ZNF705G: variants seen among roughly 807,000 people sequenced by gnomAD.
ZNF705G encodes putative zinc finger protein 705G.
ZNF705G carries 23 observed loss-of-function variants against 19.6 expected under a neutral mutation model. The ratio of observed to expected loss-of-function variants is 1.17; its 90% confidence interval spans 0.84 to 1.66. ZNF705G has a LOEUF of 1.66. ZNF705G is among the 40% of genes most tolerant of loss of function. The pLI, the probability that ZNF705G is intolerant of heterozygous loss-of-function variation, is 0.00. For missense variants in ZNF705G, 457 were observed against 354.4 expected, an observed-to-expected ratio of 1.29 and a Z score of -2.32; for synonymous variants, 146 against 117.7, an observed-to-expected ratio of 1.24 and a Z score of -1.56.
intron 1 of ZNF705G, among the ~76,000 whole-genome samples, chr8:7,383,217 G>C (rs1297161122): frequency 6.7e-6 from 1 of 148,274 alleles, no homozygotes; most frequent in South Asian, 2.1e-4. Flanking sequence ...ATTACAACTA[G>C]GTGACACATT....
At chr8:7,383,125 A>ATTT (rs5889203) in intron 1 of ZNF705G, among the ~76,000 whole-genome samples, 3,797 of 125,402 alleles carry the variant, frequency 0.03, 25 homozygotes, top group African/African-American at 0.041. Context: ...TCAATGTTTG[A>ATTT]TTTTTTTTTT....
intron 2 of ZNF705G, among the ~76,000 whole-genome samples, chr8:7,371,399 T>G (rs1390161294): frequency 7.0e-6 from 1 of 142,138 alleles, no homozygotes; most frequent in Non-Finnish European, 1.5e-5. Context: ...TACAGCATAG[T>G]GCTTACAGCT....
chr8:7,366,823 T>A (rs1444536473), intron 2 of ZNF705G, among the ~76,000 whole-genome samples: 3 of 149,582 alleles, frequency 2.0e-5, no homozygotes, highest in South Asian at 2.1e-4. Context: ...GTAGCCAACA[T>A]GCCCAACACG....
At chr8:7,382,545 A>AT (rs1372481146) in intron 1 of ZNF705G, among the ~76,000 whole-genome samples, 9 of 146,394 alleles carry the variant, frequency 6.1e-5, no homozygotes, top group African/African-American at 1.4e-4. Context: ...CCCTTTAAAC[A>AT]TTTTTTATTT....
intron 2 of ZNF705G, among the ~76,000 whole-genome samples, chr8:7,380,376 T>C (rs1807434326): frequency 6.8e-6 from 1 of 147,544 alleles, no homozygotes; most frequent in African/African-American, 2.7e-5. Context: ...GTGCATGCCT[T>C]CTTGTGAACT....
chr8:7,359,167 C>A (rs1189661500), intron 6 of ZNF705G, among the ~76,000 whole-genome samples: 2 of 149,526 alleles, frequency 1.3e-5, no homozygotes, highest in South Asian at 2.1e-4. Context: ...AAATTTGGAG[C>A]CTTCAAAATC....
intron 2 of ZNF705G, among the ~76,000 whole-genome samples, chr8:7,370,194 C>A (rs1158937928): frequency 2.0e-5 from 3 of 147,788 alleles, no homozygotes. Flanking sequence ...TGACGTGAAC[C>A]TAGGAGGCGG....
rs1382941236 is a variant in ZNF705G at position 7,358,543 on chromosome 8, C to G, written c.336G>C (p.Leu112=). The G allele has an allele frequency of 1.9e-6, 3 of 1,607,446 alleles. No homozygotes were observed. In the Admixed American group the frequency reaches 5.0e-5, roughly 27 times the overall value. ...TSMTMENSLI[L]EDPFECNDSG... Reference sequence around the variant, plus strand: ...AATCATTACATTCAAAAGGATCCTCCAGAATGAGAGAGTTCTCCTTTGGGG... The same window carrying G: ...AATCATTACATTCAAAAGGATCCTCGAGAATGAGAGAGTTCTCCTTTGGGG... The change falls in exon 7 of 7, where the codon CTG becomes CTC. Residue 112 remains leucine (L), a synonymous_variant. Coordinates refer to ENST00000400156, the MANE Select transcript of ZNF705G (RefSeq NM_001164457.3).
chr8:7,365,218 T>A lies in ZNF705G; in HGVS notation c.-71-2201A>T, dbSNP rs1468312509. Among the ~76,000 whole-genome samples, 3 of 149,642 alleles carry A rather than the reference T, an allele frequency of 2.0e-5. No individual in the cohort carries two copies. In the East Asian group the frequency reaches 5.8e-4, roughly 29 times the overall value. ...TACACAAGCAATCTTTAGGAGAAACTTAAAAACTTATGTTATGGGTCTAAA... is the reference window on the plus strand; with the variant it reads ...TACACAAGCAATCTTTAGGAGAAACATAAAAACTTATGTTATGGGTCTAAA... On this transcript the variant is annotated intron_variant, in intron 2 of 6. Transcript: ENST00000400156.
At chr8:7,379,407 T>C (rs1431848403) in intron 2 of ZNF705G, among the ~76,000 whole-genome samples, 2 of 147,310 alleles carry the variant, frequency 1.4e-5, no homozygotes, top group African/African-American at 2.7e-5. Flanking sequence ...ATTAAAGCCG[T>C]CACATAGAAT....
Position 7,357,747 on chromosome 8 carries a change from T to A in ZNF705G, c.*229A>T, listed in dbSNP as rs1286130277. 2.6e-6 allele frequency: 2 copies of A among 760,956 alleles called. No homozygotes were observed. Among genetic ancestry groups the A allele is most frequent in the Non-Finnish European group, 4.0e-6 (2 of 496,100 alleles). 47.1% of individuals were successfully genotyped at this position (760,956 alleles called of 1,614,324 possible). On this transcript the variant is annotated 3_prime_UTR_variant, in exon 7 of 7. Coordinates refer to ENST00000400156, the MANE Select transcript of ZNF705G (RefSeq NM_001164457.3). ...TTACAGTATTTCTTCAAAATGTGAG[T>A]CCTTTGGCATGTTTAGATGCTACAA...
At chr8:7,361,959 C>G (rs1806621439) in intron 3 of ZNF705G, among the ~76,000 whole-genome samples, 1 of 149,610 alleles carries the variant, frequency 6.7e-6, no homozygotes, top group African/African-American at 2.6e-5. Flanking sequence ...CAGCACAAGA[C>G]AAGACCGCTG....
intron 6 of ZNF705G, among the ~76,000 whole-genome samples, 191 bp from the exon 7 acceptor site, chr8:7,358,751 G>T (rs1806417324): frequency 6.7e-6 from 1 of 149,364 alleles, no homozygotes; most frequent in Non-Finnish European, 1.5e-5. Context: ...AAATCAAGCT[G>T]GGAACTGGGT....
Position 7,379,796 on chromosome 8 carries a change from T to C in ZNF705G, c.-72+1656A>G, listed in dbSNP as rs756890576. Among the ~76,000 whole-genome samples, 7 of 147,184 alleles carry C rather than the reference T, an allele frequency of 4.8e-5. No individual in the cohort carries two copies. The South Asian group carries it at 1.5e-3, about 31-fold the overall frequency. ...CTGCCTGGAGTCTAGGTGATGGTCA[T>C]TGTCCCAGAGAAGGAGTTGGCACTG... On this transcript the variant is annotated intron_variant, in intron 2 of 6. Transcript: ENST00000400156.
Position 7,358,843 on chromosome 8 carries a change from C to A in ZNF705G, c.319-283G>T, listed in dbSNP as rs1806427075. On this transcript the variant is annotated intron_variant, in intron 6 of 6. Transcript: ENST00000400156. Reference sequence around the variant, plus strand: ...GCTACACGCCTCCCCCATATTTTGCCCATGAGGAAATTCCTCATGAGCTGT... The same window carrying A: ...GCTACACGCCTCCCCCATATTTTGCACATGAGGAAATTCCTCATGAGCTGT... Among the ~76,000 whole-genome samples the A allele has an allele frequency of 1.3e-5, 2 of 149,432 alleles. 1 individual carries two copies. Among genetic ancestry groups the A allele is most frequent in the East Asian group, 3.9e-4 (2 of 5,162 alleles).
At chr8:7,369,586 A>G (rs1265843466) in intron 2 of ZNF705G, among the ~76,000 whole-genome samples, 4 of 149,692 alleles carry the variant, frequency 2.7e-5, no homozygotes, top group Non-Finnish European at 5.9e-5. Flanking sequence ...TACCATAAAG[A>G]TGTGTGCACT....
At chr8:7,371,172 T>G (rs1242486756) in intron 2 of ZNF705G, among the ~76,000 whole-genome samples, 10 of 136,552 alleles carry the variant, frequency 7.3e-5, no homozygotes, top group Non-Finnish European at 1.4e-4. Flanking sequence ...ACAACATGGA[T>G]GGACTTGGAG....
chr8:7,360,848 G>C lies in ZNF705G; in HGVS notation c.139+262C>G, dbSNP rs572563098. On this transcript the variant is annotated intron_variant, in intron 4 of 6. Transcript: ENST00000400156. ...TTCATTAAGTTCCCAGGTCTGTTAT[G>C]AGTATTAGAGACTGAGTACCAAAGA... Among the ~76,000 whole-genome samples, 26 of 149,548 alleles carry C rather than the reference G, an allele frequency of 1.7e-4. 2 individuals carry two copies. The South Asian group carries it at 5.2e-3, about 30-fold the overall frequency.
chr8:7,359,167 C>G (rs1189661500), intron 6 of ZNF705G, among the ~76,000 whole-genome samples: 5 of 149,526 alleles, frequency 3.3e-5, no homozygotes, highest in South Asian at 2.1e-4. Flanking sequence ...AAATTTGGAG[C>G]CTTCAAAATC....
Sources: allele counts gnomAD v4.1 joint callset (sites outside exome capture counted in the v4.1 genomes callset), GRCh38; gene constraint gnomAD v4.1.1; transcripts MANE v1.5; gene names NCBI Gene and HGNC (gene_info 2026-07-23, HGNC 2026-07-21).